Variants in IL1RAPL1 observed in about 807,000 individuals in gnomAD.
IL1RAPL1 encodes the protein interleukin-1 receptor accessory protein-like 1.
IL1RAPL1 carries 3 observed loss-of-function variants against 48.4 expected under a neutral mutation model. The ratio of observed to expected loss-of-function variants is 0.06; its 90% CI spans 0.03 to 0.16. The LOEUF is 0.16. IL1RAPL1 is among the 10% of genes least tolerant of loss of function. The pLI, the probability that IL1RAPL1 is intolerant of heterozygous loss-of-function variation, is 1.00. For missense variants in IL1RAPL1, 349 were observed against 530.6 expected (o/e 0.66, Z 3.36); for synonymous variants, 185 against 187.7 (o/e 0.99, Z 0.12).
intron 2 of IL1RAPL1, among the ~76,000 whole-genome samples, chrX:29,044,385 G>A (rs1243944546): frequency 2.7e-5 from 3 of 110,664 alleles, no homozygotes; most frequent in Admixed American, 1.9e-4. Context: ...AGCCAAGATC[G>A]CGCCACTACA....
chrX:29,054,891 CA>C (rs1449997297), intron 2 of IL1RAPL1, among the ~76,000 whole-genome samples: 1 of 111,720 alleles, frequency 9.0e-6, no homozygotes, highest in African/African-American at 3.3e-5. Context: ...GAATAGTACA[CA>C]ATACTTAATA....
rs147454550 is a variant in IL1RAPL1 at position 29,524,607 on chromosome X, T to C, written c.703+125299T>C. On this transcript the variant is annotated intron_variant, in intron 5 of 10. Transcript: ENST00000378993. ...AATTAACTGTCATTTTTGTACAGGGTGTAAAAGAGATATGGAAAGAAGGGT... is the reference window on the plus strand; with the variant it reads ...AATTAACTGTCATTTTTGTACAGGGCGTAAAAGAGATATGGAAAGAAGGGT... 1.9e-3 allele frequency among the ~76,000 whole-genome samples: 217 copies of C among 111,594 alleles called. 4 individuals carry two copies. The highest frequency in any genetic ancestry group is 0.018 in the Admixed American group (191 of 10,455).
intron 2 of IL1RAPL1, among the ~76,000 whole-genome samples, chrX:29,114,870 C>T (rs1014846433): frequency 9.0e-6 from 1 of 110,961 alleles, no homozygotes; most frequent in Non-Finnish European, 1.9e-5. Context: ...CCTTGTGATT[C>T]GCCCGCCTCT....
chrX:29,590,382 A>C (rs1923327299), intron 5 of IL1RAPL1, among the ~76,000 whole-genome samples: 1 of 111,800 alleles, frequency 8.9e-6, no homozygotes, highest in Non-Finnish European at 1.9e-5. Flanking sequence ...AAAATTAGAC[A>C]CTTTAGAAAT....
chrX:29,147,630 A>G (rs779197112), intron 2 of IL1RAPL1, among the ~76,000 whole-genome samples: 15 of 111,602 alleles, frequency 1.3e-4, no homozygotes, highest in African/African-American at 3.6e-4. Flanking sequence ...TGCTTTGACA[A>G]ATTCATCATT....
At chrX:29,062,147 A>T (rs1927355496) in intron 2 of IL1RAPL1, among the ~76,000 whole-genome samples, 1 of 112,259 alleles carries the variant, frequency 8.9e-6, no homozygotes, top group South Asian at 3.6e-4. Flanking sequence ...CTGATTGGTT[A>T]TAGGTAATTT....
At chrX:29,813,715 G>A (rs966041752) in intron 6 of IL1RAPL1, among the ~76,000 whole-genome samples, 1 of 110,966 alleles carries the variant, frequency 9.0e-6, no homozygotes, top group Admixed American at 9.6e-5. Flanking sequence ...TACCCAATAC[G>A]TAGTTTTTCA....
chrX:29,103,250 C>T (rs1928381203), intron 2 of IL1RAPL1, among the ~76,000 whole-genome samples: 1 of 111,780 alleles, frequency 8.9e-6, no homozygotes, highest in Admixed American at 9.5e-5. Context: ...ATCAAAACAG[C>T]ATGGTACTGG....
chrX:28,916,647 G>A (rs73631629), intron 2 of IL1RAPL1, among the ~76,000 whole-genome samples: 13 of 112,076 alleles, frequency 1.2e-4, no homozygotes, highest in Non-Finnish European at 1.7e-4. Flanking sequence ...CCTGACTTGG[G>A]GAGTGAGTTT....
chrX:28,994,087 A>G (rs1400734461), intron 2 of IL1RAPL1, among the ~76,000 whole-genome samples: 2 of 110,937 alleles, frequency 1.8e-5, no homozygotes, highest in Non-Finnish European at 3.8e-5. Context: ...AAAGTATGAT[A>G]TGTGGGTGAA....
intron 2 of IL1RAPL1, among the ~76,000 whole-genome samples, chrX:29,064,772 G>T (rs1433200402): frequency 9.0e-6 from 1 of 111,120 alleles, no homozygotes; most frequent in Non-Finnish European, 1.9e-5. Context: ...TAGTAGAGAT[G>T]GGGTTTCATT....
chrX:29,757,716 G>A (rs1007833296), intron 6 of IL1RAPL1, among the ~76,000 whole-genome samples: 1 of 111,677 alleles, frequency 9.0e-6, no homozygotes, highest in Non-Finnish European at 1.9e-5. Context: ...TTATTAAAAT[G>A]TAGAGTCAAT....
At chrX:28,625,725 C>A (rs751206824) in intron 1 of IL1RAPL1, among the ~76,000 whole-genome samples, 27 of 97,635 alleles carry the variant, frequency 2.8e-4, no homozygotes, top group African/African-American at 1.1e-3. Context: ...CCCAAAGGAG[C>A]TAATCAAAAT....
intron 8 of IL1RAPL1, among the ~76,000 whole-genome samples, chrX:29,934,319 G>A (rs984713407): frequency 1.1e-4 from 12 of 111,748 alleles, no homozygotes; most frequent in South Asian, 7.4e-4. Flanking sequence ...TGTTCCATGG[G>A]CAATGTAAAT....
At chrX:29,453,629 T>G (rs764850217) in intron 5 of IL1RAPL1, among the ~76,000 whole-genome samples, 1 of 111,459 alleles carries the variant, frequency 9.0e-6, no homozygotes, top group East Asian at 2.8e-4. Context: ...ATTGACATCA[T>G]CTGGGGGAGC....
chrX:29,490,850 G>A (rs200819055), intron 5 of IL1RAPL1, among the ~76,000 whole-genome samples: 29 of 99,274 alleles, frequency 2.9e-4, no homozygotes, highest in East Asian at 2.2e-3. Context: ...GTGTGTGTGT[G>A]TGTATATATA....
chrX:29,476,300 A>G (rs936208361), intron 5 of IL1RAPL1, among the ~76,000 whole-genome samples: 1 of 112,051 alleles, frequency 8.9e-6, no homozygotes, highest in Admixed American at 9.4e-5. Context: ...GGCAAAAACA[A>G]TATGTCGGTT....
At chrX:29,901,236 G>T (rs1180801750) in intron 6 of IL1RAPL1, among the ~76,000 whole-genome samples, 1 of 112,063 alleles carries the variant, frequency 8.9e-6, no homozygotes, top group African/African-American at 3.2e-5. Flanking sequence ...GTAGCTGCAA[G>T]AGAAGCTAAG....
rs184248990 is a variant in IL1RAPL1 at position 28,789,244 on chromosome X, A to G, written c.-24-76A>G. On this transcript the variant is annotated intron_variant, in intron 1 of 10. Transcript: ENST00000378993. ...CATTGCACCGATCATGTTTGATCAAAGTTATGAAACTCTAATAATATTGCT... is the reference window on the plus strand; with the variant it reads ...CATTGCACCGATCATGTTTGATCAAGGTTATGAAACTCTAATAATATTGCT... 34 of 563,223 alleles carry G rather than the reference A, an allele frequency of 6.0e-5. No individual in the cohort carries two copies. In the African/African-American group the frequency reaches 7.3e-4, roughly 12 times the overall value. 46.4% of individuals were successfully genotyped at this position (563,223 alleles called of 1,213,427 possible).
Sources: gnomAD v4.1 joint callset for allele counts (sites outside exome capture counted in the v4.1 genomes callset) on GRCh38, gnomAD v4.1.1 for gene constraint, MANE v1.5 for transcripts, NCBI Gene and HGNC (gene_info 2026-07-23, HGNC 2026-07-21) for gene names.